SSBP2: variants seen among roughly 807,000 people sequenced by gnomAD.
SSBP2 encodes single-stranded DNA-binding protein 2.
Under a neutral mutation model 61.8 loss-of-function variants are expected in SSBP2, and 17 were observed. That is an observed-to-expected ratio of 0.28 (90% CI 0.19 to 0.41). SSBP2 has a LOEUF of 0.41. SSBP2 is among the 10% of genes least tolerant of loss of function. The pLI, the probability that SSBP2 is intolerant of heterozygous loss-of-function variation, is 1.00. For missense variants in SSBP2, 310 were observed against 458.7 expected (o/e 0.68, Z 2.96); for synonymous variants, 139 against 141.3 (o/e 0.98, Z 0.12).
At position 81,722,138 on chromosome 5, in the gene SSBP2, C is replaced by A. The variant is rs139698348; in HGVS notation, c.62+28843G>T. The stretch of plus-strand genomic sequence containing the variant: ...ATTTTCTAAAAGATTTTACAAAATG[C>A]TAACGAAAAATAAAAGGGAAATAAA... On this transcript the variant is annotated intron_variant, in intron 1 of 16. Coordinates refer to ENST00000320672, the MANE Select transcript of SSBP2 (RefSeq NM_012446.5). 3.9e-3 allele frequency among the ~76,000 whole-genome samples: 597 copies of A among 152,038 alleles called. 2 individuals are homozygous for A. The highest frequency in any genetic ancestry group is 6.8e-3 in the Non-Finnish European group (464 of 67,922).
At chr5:81,668,061 G>A (rs1751294748) in intron 1 of SSBP2, among the ~76,000 whole-genome samples, 1 of 151,986 alleles carries the variant, frequency 6.6e-6, no homozygotes, top group Admixed American at 6.6e-5. Context: ...CAGGTAATGA[G>A]TTACCTTTTC....
Position 81,696,153 on chromosome 5 carries a change from C to T in SSBP2, c.63-45814G>A, listed in dbSNP as rs78101337. Among the ~76,000 whole-genome samples, 718 of 152,262 alleles carry T rather than the reference C, an allele frequency of 4.7e-3. 2 individuals carry two copies. Among genetic ancestry groups the T allele is most frequent in the African/African-American group, 0.016 (650 of 41,552 alleles). ...TACATGCCACTACGGTTAAACACTC[C>T]GCTCTAGTTCCAACCTACCCTTCCC... On this transcript the variant is annotated intron_variant, in intron 1 of 16. Transcript: ENST00000320672.
In SSBP2 at chr5:81,633,546, C is replaced by CT. The variant is rs567089609; in HGVS notation, c.197+3010dup. Among the ~76,000 whole-genome samples the CT allele has an allele frequency of 3.6e-3, 545 of 152,174 alleles. 1 individual carries two copies. Among genetic ancestry groups the CT allele is most frequent in the African/African-American group, 0.012 (491 of 41,522 alleles). On this transcript the variant is annotated intron_variant, in intron 3 of 16. Coordinates refer to ENST00000320672, the MANE Select transcript of SSBP2 (RefSeq NM_012446.5). ...CATTCAACCATCTCTCTCTCTCTTT[C>CT]TTTTTTTAGAGATGAGGTATCGCTA...
intron 5 of SSBP2, among the ~76,000 whole-genome samples, chr5:81,495,445 C>T (rs1315242756): frequency 6.6e-6 from 1 of 152,180 alleles, no homozygotes; most frequent in African/African-American, 2.4e-5. Context: ...GCTGTACTCG[C>T]TTTTCTCTGC....
At chr5:81,726,673 C>G (rs961007418) in intron 1 of SSBP2, among the ~76,000 whole-genome samples, 14 of 152,082 alleles carry the variant, frequency 9.2e-5, no homozygotes, top group Admixed American at 9.2e-4. Flanking sequence ...CAACAAATAT[C>G]CCACTTTTCT....
chr5:81,629,846 G>A (rs1293073512), intron 3 of SSBP2, among the ~76,000 whole-genome samples: 8 of 152,126 alleles, frequency 5.3e-5, no homozygotes, highest in Admixed American at 6.5e-5. Flanking sequence ...TTGTGTGTCC[G>A]TGTGTGTGTC....
At chr5:81,479,140 G>A (rs142711073) in intron 6 of SSBP2, among the ~76,000 whole-genome samples, 6 of 152,190 alleles carry the variant, frequency 3.9e-5, no homozygotes, top group East Asian at 1.9e-4. Flanking sequence ...GTAGCTTTGC[G>A]CATCAACAGT....
intron 4 of SSBP2, among the ~76,000 whole-genome samples, chr5:81,526,923 A>C (rs1180666878): frequency 6.6e-6 from 1 of 151,970 alleles, no homozygotes; most frequent in African/African-American, 2.4e-5. Context: ...GACCTGAAGA[A>C]TCAGTCATAG....
At chr5:81,523,154 G>C (rs1769624181) in intron 4 of SSBP2, among the ~76,000 whole-genome samples, 1 of 152,044 alleles carries the variant, frequency 6.6e-6, no homozygotes, top group African/African-American at 2.4e-5. Flanking sequence ...TGGGAAGTCT[G>C]ATAGGTAACA....
At chr5:81,582,273 T>C (rs1774716587) in intron 4 of SSBP2, among the ~76,000 whole-genome samples, 1 of 152,164 alleles carries the variant, frequency 6.6e-6, no homozygotes, top group Non-Finnish European at 1.5e-5. Context: ...TTTTCTTTAT[T>C]TTTATGAAAT....
At chr5:81,706,294 T>C (rs1443737516) in intron 1 of SSBP2, among the ~76,000 whole-genome samples, 1 of 151,966 alleles carries the variant, frequency 6.6e-6, no homozygotes, top group East Asian at 1.9e-4. Context: ...GTACTCACAG[T>C]CATAAAGATA....
chr5:81,583,938 G>C (rs1774877522), intron 4 of SSBP2, among the ~76,000 whole-genome samples: 1 of 152,206 alleles, frequency 6.6e-6, no homozygotes, highest in South Asian at 2.1e-4. Context: ...ATATAACAGT[G>C]CTATTATTGA....
chr5:81,453,142 A>C (rs1157043360), intron 10 of SSBP2, among the ~76,000 whole-genome samples: 1 of 151,888 alleles, frequency 6.6e-6, no homozygotes, highest in Non-Finnish European at 1.5e-5. Flanking sequence ...AAAAAACAAA[A>C]AAAAAATTAG....
At chr5:81,432,940 G>T (rs1360746661) in intron 15 of SSBP2, among the ~76,000 whole-genome samples, 51 of 142,956 alleles carry the variant, frequency 3.6e-4, no homozygotes, top group African/African-American at 1.4e-3. Context: ...GGTGGGGGGG[G>T]TCAGCCCCCC....
intron 4 of SSBP2, among the ~76,000 whole-genome samples, chr5:81,518,177 G>T (rs947812030): frequency 1.3e-5 from 2 of 152,240 alleles, no homozygotes; most frequent in African/African-American, 4.8e-5. Flanking sequence ...TAATAATAGA[G>T]AAATTAAAAT....
intron 4 of SSBP2, among the ~76,000 whole-genome samples, chr5:81,537,892 T>C (rs540542193): frequency 1.7e-4 from 26 of 152,092 alleles, no homozygotes; most frequent in Non-Finnish European, 2.2e-4. Context: ...TAAGTGTTCA[T>C]GCAAAAGGAA....
intron 4 of SSBP2, among the ~76,000 whole-genome samples, chr5:81,582,357 A>G (rs1018269744): frequency 1.3e-5 from 2 of 152,200 alleles, no homozygotes; most frequent in Admixed American, 1.3e-4. Context: ...TACTAGTTCA[A>G]TAATTATTCT....
chr5:81,742,809 T>G (rs452349), intron 1 of SSBP2, among the ~76,000 whole-genome samples: 102,446 of 151,938 alleles, frequency 0.67, 34,856 homozygotes, highest in Middle Eastern at 0.75. Context: ...CTGGGGGGTG[T>G]GTGGAAGTTG....
rs1761524129 is a variant in SSBP2, at chr5:81,420,411, T to A, written c.*93A>T. On this transcript the variant is annotated 3_prime_UTR_variant, in exon 17 of 17. Coordinates refer to ENST00000320672, the MANE Select transcript of SSBP2 (RefSeq NM_012446.5). ...GTTTGGTGTGACTGAGATTCCTTTG[T>A]TTAACTGTACACTGTGATGAATAAT... 2 of 1,261,166 alleles carry A rather than the reference T, an allele frequency of 1.6e-6. No homozygotes were observed. Among genetic ancestry groups the A allele is most frequent in the Non-Finnish European group, 2.3e-6 (2 of 866,464 alleles). 78.1% of individuals were successfully genotyped at this position (1,261,166 alleles called of 1,614,324 possible).
Sources: allele counts gnomAD v4.1 joint callset (sites outside exome capture counted in the v4.1 genomes callset), GRCh38; gene constraint gnomAD v4.1.1; transcripts MANE v1.5; gene names NCBI Gene and HGNC (gene_info 2026-07-23, HGNC 2026-07-21).